Variants in SPAG16 observed in about 807,000 individuals in gnomAD.
SPAG16 encodes the protein sperm associated antigen 16.
SPAG16 carries 86 observed loss-of-function variants against 80.4 expected under a neutral mutation model. That is an observed-to-expected ratio of 1.07 (90% CI 0.90 to 1.28). The LOEUF (loss-of-function observed/expected upper bound fraction) is 1.28. SPAG16 is among the 50% of genes most tolerant of loss of function. The probability of loss-of-function intolerance (pLI) is 0.00; values close to 1 mark genes in which losing one functional copy is unlikely to be tolerated. For synonymous variants in SPAG16, 294 were observed against 265.9 expected (o/e 1.11, Z -1.03); for missense variants, 870 against 765.3 (o/e 1.14, Z -1.61).
chr2:213,646,024 T>C (rs1226532955), intron 10 of SPAG16, among the ~76,000 whole-genome samples: 1 of 152,164 alleles, frequency 6.6e-6, no homozygotes, highest in African/African-American at 2.4e-5. Context: ...TCTTTTCTGT[T>C]CTAACAGGAC....
chr2:214,390,520 G>A (rs1701016068), intron 15 of SPAG16, among the ~76,000 whole-genome samples: 1 of 151,798 alleles, frequency 6.6e-6, no homozygotes, highest in Non-Finnish European at 1.5e-5. Context: ...AGCACAAACT[G>A]GTTAAAAACA....
intron 10 of SPAG16, among the ~76,000 whole-genome samples, chr2:213,805,486 G>A (rs2071710223): frequency 6.6e-6 from 1 of 152,166 alleles, no homozygotes; most frequent in Admixed American, 6.5e-5. Flanking sequence ...ACCAACCAAG[G>A]CCAATAGAGA....
intron 14 of SPAG16, among the ~76,000 whole-genome samples, chr2:214,134,697 G>A (rs1214570389): frequency 6.6e-6 from 1 of 152,120 alleles, no homozygotes; most frequent in Non-Finnish European, 1.5e-5. Flanking sequence ...GGATCTCAGA[G>A]ACACAGTCTT....
At chr2:213,540,798 G>C (rs2076418845) in intron 10 of SPAG16, among the ~76,000 whole-genome samples, 1 of 152,222 alleles carries the variant, frequency 6.6e-6, no homozygotes. Context: ...TTATGCTTCA[G>C]ACTTTACTTT....
At chr2:214,315,053 C>G (rs1223879125) in intron 15 of SPAG16, among the ~76,000 whole-genome samples, 1 of 152,002 alleles carries the variant, frequency 6.6e-6, no homozygotes, top group African/African-American at 2.4e-5. Context: ...ATCCTAGTCA[C>G]AATTCCTGGT....
At chr2:214,148,421 C>G (rs1349544741) in intron 14 of SPAG16, among the ~76,000 whole-genome samples, 2 of 152,088 alleles carry the variant, frequency 1.3e-5, no homozygotes, top group Non-Finnish European at 2.9e-5. Context: ...AATCCATTCA[C>G]CCTTCCTTCT....
Position 213,387,495 on chromosome 2 carries a change from TGCAGTGTGGA to T in SPAG16, c.942+12378_942+12387del, listed in dbSNP as rs2067501336. ...TCTCGCTCTGTCGCCCAGGCTGGAG[TGCAGTGTGGA>T]GTGCAGTGGCGGGATCTCGGCTCAC... On this transcript the variant is annotated intron_variant, in intron 9 of 15. Transcript: ENST00000331683. Among the ~76,000 whole-genome samples, 2 of 1,706 alleles carry T rather than the reference TGCAGTGTGGA, an allele frequency of 1.2e-3. 1 individual carries two copies. The highest frequency in any genetic ancestry group is 1.2e-3 in the African/African-American group (2 of 1,626). The allele number at this position is 1,706 out of a possible 152,430, so 1.1% of individuals were successfully genotyped here.
intron 15 of SPAG16, among the ~76,000 whole-genome samples, chr2:214,258,471 G>GTGTGTGTGTATATATATA (rs1553539128): frequency 7.1e-6 from 1 of 141,416 alleles, no homozygotes; most frequent in African/African-American, 2.6e-5. Context: ...ATGTGTGTGT[G>GTGTGTGTGTATATATATA]TATATATATA....
chr2:213,574,306 A>G (rs757688534), intron 10 of SPAG16, among the ~76,000 whole-genome samples: 2 of 152,142 alleles, frequency 1.3e-5, no homozygotes, highest in Non-Finnish European at 2.9e-5. Context: ...ATGTGAACTT[A>G]TTCATCTCCA....
chr2:214,220,259 A>C (rs2058533935), intron 15 of SPAG16, among the ~76,000 whole-genome samples: 2 of 152,118 alleles, frequency 1.3e-5, no homozygotes. Flanking sequence ...ATCTGCTTAT[A>C]ACTTTTACCT....
At chr2:213,765,224 C>G (rs2068870325) in intron 10 of SPAG16, among the ~76,000 whole-genome samples, 2 of 152,082 alleles carry the variant, frequency 1.3e-5, no homozygotes, top group African/African-American at 4.8e-5. Flanking sequence ...CAAAAATTAG[C>G]TGGGCGTGGT....
intron 10 of SPAG16, among the ~76,000 whole-genome samples, chr2:213,567,197 G>T (rs1576003926): frequency 2.0e-4 from 23 of 114,696 alleles, no homozygotes; most frequent in African/African-American, 3.3e-4. Context: ...ACTTATCCCT[G>T]AAATTTTATT....
chr2:213,408,255 C>T (rs1175326925), intron 9 of SPAG16, among the ~76,000 whole-genome samples: 1 of 152,170 alleles, frequency 6.6e-6, no homozygotes, highest in Non-Finnish European at 1.5e-5. Context: ...TAAACAAGGG[C>T]ATAGCCAGAA....
At chr2:214,024,260 G>A (rs2048027740) in intron 13 of SPAG16, among the ~76,000 whole-genome samples, 1 of 151,350 alleles carries the variant, frequency 6.6e-6, no homozygotes, top group African/African-American at 2.4e-5. Context: ...AAGTAATATG[G>A]GCTAAATCAT....
intron 10 of SPAG16, among the ~76,000 whole-genome samples, chr2:213,676,889 TGGC>T (rs2064109330): frequency 6.6e-6 from 1 of 151,302 alleles, no homozygotes; most frequent in Admixed American, 6.6e-5. Flanking sequence ...AGGATGATGC[TGGC>T]CTCATAAAAT....
At chr2:214,119,071 A>G (rs1183374058) in intron 14 of SPAG16, among the ~76,000 whole-genome samples, 1 of 152,182 alleles carries the variant, frequency 6.6e-6, no homozygotes, top group Non-Finnish European at 1.5e-5. Flanking sequence ...GTATCAAAAT[A>G]TCACATTGTA....
intron 9 of SPAG16, among the ~76,000 whole-genome samples, chr2:213,462,528 C>G (rs138936579): frequency 0.014 from 2,138 of 152,218 alleles, 21 homozygotes; most frequent in South Asian, 0.022. Context: ...CCATAATCCC[C>G]ACATTTTGAG....
chr2:213,596,421 C>T (rs1443518166), intron 10 of SPAG16, among the ~76,000 whole-genome samples: 7 of 152,056 alleles, frequency 4.6e-5, no homozygotes, highest in Non-Finnish European at 1.0e-4. Flanking sequence ...AGTCTTCATT[C>T]AGATCACACT....
intron 10 of SPAG16, among the ~76,000 whole-genome samples, chr2:213,498,127 G>C (rs1312804528): frequency 6.6e-6 from 1 of 152,054 alleles, no homozygotes; most frequent in African/African-American, 2.4e-5. Flanking sequence ...TCATTATTCT[G>C]TTTAAATAAT....
Sources: gnomAD v4.1 joint callset for allele counts (sites outside exome capture counted in the v4.1 genomes callset) on GRCh38, gnomAD v4.1.1 for gene constraint, MANE v1.5 for transcripts, NCBI Gene and HGNC (gene_info 2026-07-23, HGNC 2026-07-21) for gene names.